The following LAMA2 variants were observed in gnomAD, a reference collection of about 807,000 sequenced individuals.
The protein encoded by LAMA2 is laminin subunit alpha-2.
Under a neutral mutation model 364.8 loss-of-function variants are expected in LAMA2, and 269 were observed. That is an observed-to-expected ratio of 0.74 (90% CI 0.67 to 0.82). The LOEUF is 0.82. LAMA2 is among the 40% of genes least tolerant of loss of function. The pLI, the probability that LAMA2 is intolerant of heterozygous loss-of-function variation, is 0.00. For synonymous variants in LAMA2, 1,379 were observed against 1,370.6 expected (o/e 1.01, Z -0.14); for missense variants, 3,807 against 3,873.2 (o/e 0.98, Z 0.45).
intron 4 of LAMA2, among the ~76,000 whole-genome samples, chr6:129,143,544 C>T (rs1270659864): frequency 6.6e-6 from 1 of 151,894 alleles, no homozygotes; most frequent in Admixed American, 6.6e-5. Flanking sequence ...TCCCACCATA[C>T]CCCAGATTCT....
intron 30 of LAMA2, 65 bp from the exon 31 acceptor site, chr6:129,349,233 A>C (rs1398532310): frequency 2.4e-6 from 3 of 1,233,208 alleles, no homozygotes; most frequent in Non-Finnish European, 3.6e-6. Flanking sequence ...GATCATGGAT[A>C]GGAATACTAT....
chr6:129,146,682 A>G (rs556980248), intron 5 of LAMA2, among the ~76,000 whole-genome samples: 2 of 152,150 alleles, frequency 1.3e-5, no homozygotes, highest in Admixed American at 6.6e-5. Context: ...ACTGTCAGCC[A>G]CAGGTACTCT....
In LAMA2 at chr6:129,350,918, G is replaced by A. The variant is rs537337788; in HGVS notation, c.4523+1534G>A. On this transcript the variant is annotated intron_variant, in intron 31 of 64. Coordinates refer to ENST00000421865, the MANE Select transcript of LAMA2 (RefSeq NM_000426.4). Reference sequence around the variant, plus strand: ...CCAATATTTGCATATATATAAAACAGTGGATTCACAATTTCCATACCAACA... The same window carrying A: ...CCAATATTTGCATATATATAAAACAATGGATTCACAATTTCCATACCAACA... Among the ~76,000 whole-genome samples the A allele has an allele frequency of 6.6e-5, 10 of 152,240 alleles. No individual in the cohort carries two copies. In the East Asian group the frequency reaches 1.3e-3, roughly 21 times the overall value.
At chr6:128,947,907 A>C (rs1780579897) in intron 1 of LAMA2, among the ~76,000 whole-genome samples, 1 of 152,158 alleles carries the variant, frequency 6.6e-6, no homozygotes, top group Non-Finnish European at 1.5e-5. Flanking sequence ...TAGCTCAGCA[A>C]GGTTTTTAGG....
chr6:129,064,765 A>C (rs922956831), intron 3 of LAMA2, among the ~76,000 whole-genome samples: 1 of 152,186 alleles, frequency 6.6e-6, no homozygotes, highest in African/African-American at 2.4e-5. Context: ...AGATTGAATC[A>C]GGAATAAGAA....
chr6:129,495,596 T>C (rs1785127071), intron 58 of LAMA2, among the ~76,000 whole-genome samples: 1 of 152,210 alleles, frequency 6.6e-6, no homozygotes, highest in Admixed American at 6.5e-5. Context: ...CCTTCTTCTC[T>C]ACCACTAGAA....
At chr6:129,470,509 A>C (rs766319180) in intron 51 of LAMA2, among the ~76,000 whole-genome samples, 2 of 151,930 alleles carry the variant, frequency 1.3e-5, no homozygotes, top group Non-Finnish European at 2.9e-5. Flanking sequence ...AACATTTTAG[A>C]AGTGTTCAAA....
chr6:129,163,912 T>C (rs1458485169), intron 8 of LAMA2, among the ~76,000 whole-genome samples: 1 of 152,222 alleles, frequency 6.6e-6, no homozygotes, highest in Non-Finnish European at 1.5e-5. Context: ...ATACCTTCAC[T>C]CATTATAAAC....
At chr6:129,068,225 T>C (rs1448688459) in intron 3 of LAMA2, among the ~76,000 whole-genome samples, 1 of 152,262 alleles carries the variant, frequency 6.6e-6, no homozygotes, top group Admixed American at 6.5e-5. Flanking sequence ...TTAAGTGATT[T>C]CACTGTGCTT....
At chr6:129,071,189 T>C (rs1398590631) in intron 3 of LAMA2, among the ~76,000 whole-genome samples, 1 of 152,220 alleles carries the variant, frequency 6.6e-6, no homozygotes, top group African/African-American at 2.4e-5. Flanking sequence ...ACTTACCTAA[T>C]TTTTCAAATA....
chr6:129,348,772 T>C (rs1776700390), intron 30 of LAMA2, among the ~76,000 whole-genome samples: 1 of 152,174 alleles, frequency 6.6e-6, no homozygotes, highest in Non-Finnish European at 1.5e-5. Flanking sequence ...AATCTGGATG[T>C]AAATTAGAAA....
chr6:129,175,858 A>T (rs990438275), intron 9 of LAMA2, among the ~76,000 whole-genome samples: 2 of 152,112 alleles, frequency 1.3e-5, no homozygotes, highest in Admixed American at 6.6e-5. Flanking sequence ...AAAATTAACT[A>T]TCATTAAAAC....
intron 40 of LAMA2, among the ~76,000 whole-genome samples, chr6:129,413,412 A>G (rs927795190): frequency 3.9e-5 from 6 of 152,158 alleles, no homozygotes; most frequent in African/African-American, 1.2e-4. Flanking sequence ...TTTTAAAAGT[A>G]CCTTACACAA....
rs1336250267 is a variant in LAMA2 at position 129,195,384 on chromosome 6, GC to G, written c.1782+2532del. Among the ~76,000 whole-genome samples, 9 of 152,234 alleles carry G rather than the reference GC, an allele frequency of 5.9e-5. No homozygotes were observed. In the East Asian group the frequency reaches 1.4e-3, roughly 23 times the overall value. On this transcript the variant is annotated intron_variant, in intron 12 of 64. Transcript: ENST00000421865. Reference sequence around the variant, plus strand: ...AAACTCAAGAATACTAGCCAATTTAGCAAAGGAGTGCTTTGTATCCTGTGAA... The same window carrying G: ...AAACTCAAGAATACTAGCCAATTTAGAAAGGAGTGCTTTGTATCCTGTGAA...
chr6:129,210,219 A>G (rs1783005435), intron 12 of LAMA2, among the ~76,000 whole-genome samples: 1 of 152,108 alleles, frequency 6.6e-6, no homozygotes, highest in Non-Finnish European at 1.5e-5. Flanking sequence ...AAGGCTTTAA[A>G]AAAACAAACA....
chr6:129,289,160 T>C (rs770275461), intron 19 of LAMA2, among the ~76,000 whole-genome samples: 32 of 152,350 alleles, frequency 2.1e-4, no homozygotes, highest in Non-Finnish European at 4.0e-4. Flanking sequence ...TGGCAGCTGT[T>C]AATATAACCT....
chr6:128,989,378 T>C (rs1433966357), intron 1 of LAMA2, among the ~76,000 whole-genome samples: 2 of 152,230 alleles, frequency 1.3e-5, no homozygotes, highest in Non-Finnish European at 2.9e-5. Context: ...TATGCTAATG[T>C]ATAAAACATC....
intron 15 of LAMA2, among the ~76,000 whole-genome samples, chr6:129,262,684 G>T (rs577369315): frequency 5.9e-5 from 9 of 152,052 alleles, no homozygotes; most frequent in South Asian, 4.1e-4. Context: ...AAAACTTTCT[G>T]TCCCTAAATT....
intron 41 of LAMA2, among the ~76,000 whole-genome samples, chr6:129,435,889 A>G (rs1184919677): frequency 6.6e-6 from 1 of 152,130 alleles, no homozygotes; most frequent in Non-Finnish European, 1.5e-5. Flanking sequence ...CCAGCTGCCC[A>G]TGGCCTGCAC....
Sources: allele counts gnomAD v4.1 joint callset (sites outside exome capture counted in the v4.1 genomes callset), GRCh38; gene constraint gnomAD v4.1.1; transcripts MANE v1.5; gene names NCBI Gene and HGNC (gene_info 2026-07-23, HGNC 2026-07-21).